The following PTPRS variants were observed in gnomAD, a reference collection of about 807,000 sequenced individuals.
The protein encoded by PTPRS is protein tyrosine phosphatase receptor type S, also known as receptor-type tyrosine-protein phosphatase S.
Under a neutral mutation model 215.3 loss-of-function variants are expected in PTPRS, and 63 were observed. That is an observed-to-expected ratio of 0.29 (90% CI 0.24 to 0.36). The LOEUF (loss-of-function observed/expected upper bound fraction) is 0.36. PTPRS is among the 10% of genes least tolerant of loss of function. PTPRS has a pLI of 1.00. For synonymous variants in PTPRS, 1,404 were observed against 1,191.4 expected (o/e 1.18, Z -3.68); for missense variants, 2,258 against 2,825.8 (o/e 0.80, Z 4.56).
chr19:5,225,596 T>C (rs1310294080), intron 17 of PTPRS, 131 bp downstream of exon 17: 4 of 815,164 alleles, frequency 4.9e-6, no homozygotes, highest in South Asian at 4.7e-5. Context: ...CCTCACACCT[T>C]TGTCTCACTG....
chr19:5,332,155 C>G (rs558675224), intron 1 of PTPRS, among the ~76,000 whole-genome samples: 2 of 151,198 alleles, frequency 1.3e-5, no homozygotes, highest in African/African-American at 2.4e-5. Flanking sequence ...TAGACAGAGT[C>G]TCACTCTATC....
intron 1 of PTPRS, among the ~76,000 whole-genome samples, chr19:5,315,350 GGTTTTTTTTT>G (rs1341779902): frequency 0.036 from 3,625 of 101,104 alleles, 346 homozygotes; most frequent in Middle Eastern, 0.095. Flanking sequence ...ATTTGAAAAG[GGTTTTTTTTT>G]TTTTTTTTTT....
At chr19:5,226,753 A>T (rs2042538864) in intron 16 of PTPRS, among the ~76,000 whole-genome samples, 1 of 112,942 alleles carries the variant, frequency 8.9e-6, no homozygotes, top group Admixed American at 7.9e-5. Flanking sequence ...TCTCAAAAAT[A>T]AATAAATAAA....
At chr19:5,215,460 G>A in intron 27 of PTPRS, 38 bp downstream of exon 27, 1 of 1,608,428 alleles carries the variant, frequency 6.2e-7, no homozygotes, top group Non-Finnish European at 8.5e-7. Flanking sequence ...TGCCTGTGAG[G>A]CCGAGGTGAT....
chr19:5,265,630 C>A (rs2046345277), intron 4 of PTPRS, among the ~76,000 whole-genome samples: 1 of 152,052 alleles, frequency 6.6e-6, no homozygotes, highest in South Asian at 2.1e-4. Context: ...GCATGAGCCA[C>A]TGCACCTGGT....
intron 1 of PTPRS, among the ~76,000 whole-genome samples, chr19:5,324,226 C>CAAAAA (rs55793961): frequency 3.3e-4 from 24 of 73,768 alleles, no homozygotes; most frequent in African/African-American, 5.1e-4. Flanking sequence ...AACCCTGCCT[C>CAAAAA]AAAAAAAAAA....
At chr19:5,320,786 T>C (rs1217363730) in intron 1 of PTPRS, among the ~76,000 whole-genome samples, 1 of 152,086 alleles carries the variant, frequency 6.6e-6, no homozygotes, top group Non-Finnish European at 1.5e-5. Context: ...TTTGAGGGCT[T>C]CACCCTATGA....
rs748364975 is a variant in PTPRS, at chr19:5,265,028, C to A, written c.548G>T (p.Arg183Leu). ...LPVDPSASNG[R>L]IKQLRSETFE... ...CTCACCTGATCGCAGCTGTTTGATG[C>A]GTCCATTGCTGGCACTAGGATCCAC... Residue 183 changes from arginine to leucine, a missense_variant, in exon 5 of 38, where the codon CGC becomes CTC. By Grantham distance (102) the Arg-to-Leu change is moderately radical. Transcript: ENST00000262963. 6.2e-7 allele frequency: 1 copy of A among 1,614,006 alleles called. No individual in the cohort carries two copies. The highest frequency in any genetic ancestry group is 1.1e-5 in the South Asian group (1 of 91,052).
intron 1 of PTPRS, among the ~76,000 whole-genome samples, chr19:5,313,362 T>TA (rs2049769743): frequency 6.6e-6 from 1 of 152,178 alleles, no homozygotes; most frequent in Non-Finnish European, 1.5e-5. Flanking sequence ...TGGTGAGACT[T>TA]AAGAGAGTGG....
In PTPRS at chr19:5,245,981, G is replaced by A. The variant is rs369949453; in HGVS notation, c.783C>T (p.Asn261=). The A allele has an allele frequency of 8.2e-5, 132 of 1,601,690 alleles. No homozygotes were observed. Among genetic ancestry groups the A allele is most frequent in the Middle Eastern group, 3.3e-4 (2 of 6,062 alleles). ...PMSHEIMPGG[N]VNITCVAVGS... Reference sequence around the variant, plus strand: ...CCACGGCCACGCAGGTGATGTTCACGTTGCCCCCTGGCATGATCTCGTGGC... The same window carrying A: ...CCACGGCCACGCAGGTGATGTTCACATTGCCCCCTGGCATGATCTCGTGGC... Residue 261 remains asparagine, a synonymous_variant, in exon 10 of 38, where the codon AAC becomes AAT. Transcript: ENST00000262963.
chr19:5,239,062 A>C lies in PTPRS; in HGVS notation c.1706T>G (p.Val569Gly). The change falls in exon 13 of 38, where the codon GTG (valine) becomes GGG (glycine). Residue 569 changes from valine (V) to glycine (G), a missense_variant and splice_region_variant. This residue lies in a region of PTPRS where 371 missense variants were observed against 446.7 expected (regional missense o/e 0.83). Coordinates refer to ENST00000262963, the MANE Select transcript of PTPRS (RefSeq NM_002850.4). ...LFREGDHGRE[V>G]GRTFDPTTSY... ...AGTCGTCGGGTCGAAGGTCCTTCCC[A>C]CCTGGGGGCAGGGCAGAGAAGGACA... The C allele has an allele frequency of 6.2e-7, 1 of 1,608,734 alleles. No individual in the cohort carries two copies. Among genetic ancestry groups the C allele is most frequent in the South Asian group, 1.1e-5 (1 of 90,734 alleles).
rs1179142507 is a variant in PTPRS, at chr19:5,295,806, T to A, written c.-94-9572A>T. Among the ~76,000 whole-genome samples the A allele has an allele frequency of 6.6e-6, 1 of 152,156 alleles. No homozygotes were observed. The highest frequency in any genetic ancestry group is 2.4e-5 in the African/African-American group (1 of 41,442). ...CTCAGGCTGGAGTGCAGTGGCACCA[T>A]CATGGCTCACTCTAGCCTCAACCTC... On this transcript the variant is annotated intron_variant, in intron 1 of 37. Transcript: ENST00000262963. This position sits in a 1 kb window ranked among gnomAD's most constrained non-coding sequence, Gnocchi z 4.6.
rs372907981 is a variant in PTPRS, at chr19:5,334,836, A to G, written c.-95+5828T>C. On this transcript the variant is annotated intron_variant, in intron 1 of 37. Coordinates refer to ENST00000262963, the MANE Select transcript of PTPRS (RefSeq NM_002850.4). ...TTTCCCTCTCTGCAAAATAGGGCTC[A>G]GATCACAGCAACTCCGCTGACAGGG... Among the ~76,000 whole-genome samples, 165 of 152,302 alleles carry G rather than the reference A, an allele frequency of 1.1e-3. 2 individuals are homozygous for G. In the South Asian group the frequency reaches 0.033, roughly 31 times the overall value.
rs768604661 is a variant in PTPRS at position 5,256,163 on chromosome 19, G to A, written c.707-44C>T. 4.8e-6 allele frequency: 7 copies of A among 1,473,596 alleles called. No homozygotes were observed. In the South Asian group the frequency reaches 7.5e-5, roughly 16 times the overall value. The allele number at this position is 1,473,596 out of a possible 1,614,324, so 91.3% of individuals were successfully genotyped here. On this transcript the variant is annotated intron_variant, in intron 8 of 37. Coordinates refer to ENST00000262963, the MANE Select transcript of PTPRS (RefSeq NM_002850.4). The stretch of plus-strand genomic sequence containing the variant: ...GTTTGATGCAGAACACAATGACATG[G>A]GAAGAAGAGAAAAAATAGGGGAGAT...
At chr19:5,310,323 T>C (rs909801922) in intron 1 of PTPRS, among the ~76,000 whole-genome samples, 72 of 150,514 alleles carry the variant, frequency 4.8e-4, no homozygotes, top group African/African-American at 1.4e-3. Flanking sequence ...CTTTTCTTTT[T>C]TTTTTTTTTT....
chr19:5,207,167 CT>C (rs2040435543), intron 37 of PTPRS, among the ~76,000 whole-genome samples: 1 of 152,250 alleles, frequency 6.6e-6, no homozygotes, highest in East Asian at 1.9e-4. Context: ...TCCCTGCAAC[CT>C]CTGTCTCCTG....
At chr19:5,308,398 T>C (rs1013372493) in intron 1 of PTPRS, among the ~76,000 whole-genome samples, 31 of 152,196 alleles carry the variant, frequency 2.0e-4, no homozygotes, top group African/African-American at 7.2e-4. Context: ...AGGGCAAGGA[T>C]TGTCTGCATC....
At chr19:5,297,944 C>T (rs1374688767) in intron 1 of PTPRS, among the ~76,000 whole-genome samples, 1 of 151,990 alleles carries the variant, frequency 6.6e-6, no homozygotes, top group Non-Finnish European at 1.5e-5. Context: ...AGGCGCACAC[C>T]ACCACGCCCG....
At chr19:5,270,731 G>A (rs1423783851) in intron 4 of PTPRS, among the ~76,000 whole-genome samples, 1 of 152,090 alleles carries the variant, frequency 6.6e-6, no homozygotes, top group African/African-American at 2.4e-5. Context: ...TCCGCCTCCC[G>A]GGTTCAAGCA....
Sources: gnomAD v4.1 joint callset for allele counts (sites outside exome capture counted in the v4.1 genomes callset) on GRCh38, gnomAD v4.1.1 for gene constraint, gnomAD v4.1.1 regional missense constraint, Gnocchi (gnomAD v3.1) non-coding constraint, MANE v1.5 for transcripts, NCBI Gene and HGNC (gene_info 2026-07-23, HGNC 2026-07-21) for gene names.